The following SSBP3 variants were observed in gnomAD, a reference collection of about 807,000 sequenced individuals.
The protein encoded by SSBP3 is single stranded DNA binding protein 3.
A neutral mutation model predicts 69.6 loss-of-function variants in SSBP3; 5 were observed. That is an observed-to-expected ratio of 0.07 (90% CI 0.04 to 0.15). The LOEUF (loss-of-function observed/expected upper bound fraction) is 0.15, where lower values mean the gene tolerates loss of function less well. Ranked by LOEUF, SSBP3 falls within the 10% of genes least tolerant of loss-of-function variation. SSBP3 has a pLI of 1.00. For synonymous variants in SSBP3, 196 were observed against 193.4 expected (o/e 1.01, Z -0.11); for missense variants, 312 against 534.0 (o/e 0.58, Z 4.10).
At chr1:54,391,837 C>T (rs1352544236) in intron 4 of SSBP3, among the ~76,000 whole-genome samples, 1 of 152,236 alleles carries the variant, frequency 6.6e-6, no homozygotes, top group East Asian at 1.9e-4. Flanking sequence ...ACTGCCTAAG[C>T]CCTGTTCAGA....
intron 4 of SSBP3, among the ~76,000 whole-genome samples, chr1:54,284,918 AT>A (rs1645460618): frequency 6.6e-6 from 1 of 152,182 alleles, no homozygotes; most frequent in Non-Finnish European, 1.5e-5. Context: ...AGTTCTTTGA[AT>A]GCAACGGCCA....
chr1:54,305,924 A>G (rs1420835948), intron 4 of SSBP3, among the ~76,000 whole-genome samples: 2 of 150,406 alleles, frequency 1.3e-5, no homozygotes, highest in East Asian at 3.9e-4. Flanking sequence ...GCTGTTTCCT[A>G]TGATGTTGTC....
At chr1:54,288,039 C>T (rs1031175290) in intron 4 of SSBP3, among the ~76,000 whole-genome samples, 18 of 152,256 alleles carry the variant, frequency 1.2e-4, no homozygotes, top group African/African-American at 3.1e-4. Context: ...CACCAATGGA[C>T]GGCCCTGGGT....
At chr1:54,232,053 T>C (rs1644388573) in intron 14 of SSBP3, among the ~76,000 whole-genome samples, 1 of 152,220 alleles carries the variant, frequency 6.6e-6, no homozygotes, top group South Asian at 2.1e-4. Flanking sequence ...ATCTCATTTG[T>C]CCACATGTGG....
intron 4 of SSBP3, among the ~76,000 whole-genome samples, chr1:54,294,148 AAAAAAAAAAAAAAAGAAAGAAAG>A (rs1171483432): frequency 2.7e-5 from 2 of 74,082 alleles, no homozygotes; most frequent in Non-Finnish European, 5.9e-5. Context: ...ATCTCAAAAA[AAAAAAAAAAAAAAAGAAAGAAAG>A]AAAGAAAGAA....
intron 10 of SSBP3, among the ~76,000 whole-genome samples, chr1:54,242,549 G>A (rs1644658331): frequency 6.6e-6 from 1 of 152,218 alleles, no homozygotes; most frequent in African/African-American, 2.4e-5. Flanking sequence ...TGGCTACACT[G>A]TCCAGAGGTT....
intron 5 of SSBP3, among the ~76,000 whole-genome samples, chr1:54,266,206 C>T (rs1489657287): frequency 6.6e-6 from 1 of 152,210 alleles, no homozygotes; most frequent in Non-Finnish European, 1.5e-5. Context: ...GTCCAACCTG[C>T]TTCAAAGTCT....
chr1:54,324,470 A>G (rs957272917), intron 4 of SSBP3, among the ~76,000 whole-genome samples: 1 of 151,614 alleles, frequency 6.6e-6, no homozygotes, highest in Non-Finnish European at 1.5e-5. Flanking sequence ...CATAGGCCAG[A>G]GCAGGATAAA....
intron 4 of SSBP3, among the ~76,000 whole-genome samples, chr1:54,326,910 A>G (rs944736171): frequency 2.0e-5 from 3 of 151,898 alleles, no homozygotes; most frequent in Non-Finnish European, 2.9e-5. Flanking sequence ...AAGAGCCCAG[A>G]GTTGGTCCTC....
chr1:54,270,876 GAA>G (rs1225209900), intron 5 of SSBP3, among the ~76,000 whole-genome samples: 1 of 152,154 alleles, frequency 6.6e-6, no homozygotes, highest in African/African-American at 2.4e-5. Flanking sequence ...CTTTCTCGAG[GAA>G]ACCCATGTGC....
intron 5 of SSBP3, among the ~76,000 whole-genome samples, chr1:54,271,611 GA>G (rs1645195398): frequency 6.4e-5 from 1 of 15,552 alleles, no homozygotes; most frequent in Admixed American, 7.9e-4. Flanking sequence ...CGGCCTCCCT[GA>G]CGGCCGAGCT....
At chr1:54,256,812 G>A (rs56749636) in intron 7 of SSBP3, among the ~76,000 whole-genome samples, 94 of 152,278 alleles carry the variant, frequency 6.2e-4, no homozygotes, top group African/African-American at 2.2e-3. Context: ...GAAGGGAGGG[G>A]CAGGGCATTA....
chr1:54,371,721 C>T (rs534951138), intron 4 of SSBP3, among the ~76,000 whole-genome samples: 2 of 152,298 alleles, frequency 1.3e-5, no homozygotes, highest in African/African-American at 2.4e-5. Context: ...GTGCATGTGC[C>T]GGTGCTGCAC....
rs72912186 is a variant in SSBP3 at position 54,374,164 on chromosome 1, C to G, written c.276+27697G>C. 1.6e-3 allele frequency among the ~76,000 whole-genome samples: 250 copies of G among 152,318 alleles called. 3 individuals are homozygous for G. Among genetic ancestry groups the G allele is most frequent in the African/African-American group, 5.8e-3 (243 of 41,566 alleles). On this transcript the variant is annotated intron_variant, in intron 4 of 17. Transcript: ENST00000610401. ...TTCTTAGGAGAAGTTAGGGCTTACA[C>G]TGAGCCTTGGAAGGCAGGCTGGGCA...
At chr1:54,384,655 C>T (rs1172658944) in intron 4 of SSBP3, among the ~76,000 whole-genome samples, 6 of 152,218 alleles carry the variant, frequency 3.9e-5, no homozygotes, top group Non-Finnish European at 2.9e-5. Context: ...TGTGCAAAGG[C>T]CCCAAGGCAG....
At chr1:54,252,750 AAG>A (rs1358737105) in intron 7 of SSBP3, among the ~76,000 whole-genome samples, 4 of 152,266 alleles carry the variant, frequency 2.6e-5, no homozygotes, top group East Asian at 1.9e-4. Context: ...CAACTGGAAA[AAG>A]AGAGTAGGAG....
chr1:54,240,624 C>T (rs1186207800), intron 13 of SSBP3, among the ~76,000 whole-genome samples: 12 of 152,040 alleles, frequency 7.9e-5, no homozygotes, highest in Non-Finnish European at 1.5e-4. Context: ...GAAATGCCCA[C>T]CCTGAACAGG....
At chr1:54,237,820 A>C (rs1021444458) in intron 14 of SSBP3, 1 of 276,188 alleles carries the variant, frequency 3.6e-6, no homozygotes, top group African/African-American at 2.2e-5. Context: ...TGCTGCTAAC[A>C]TGCATGACTG....
intron 5 of SSBP3, among the ~76,000 whole-genome samples, chr1:54,265,311 G>GGT (rs893180096): frequency 6.6e-5 from 10 of 151,948 alleles, no homozygotes; most frequent in Non-Finnish European, 5.9e-5. Flanking sequence ...GAAGGGTGTG[G>GGT]GTGTGTGTGT....
Sources: gnomAD v4.1 joint callset for allele counts (sites outside exome capture counted in the v4.1 genomes callset) on GRCh38, gnomAD v4.1.1 for gene constraint, MANE v1.5 for transcripts, NCBI Gene and HGNC (gene_info 2026-07-23, HGNC 2026-07-21) for gene names.